The following FOXP1 variants were observed in gnomAD, a reference collection of about 807,000 sequenced individuals.
FOXP1 encodes the protein forkhead box protein P1.
In FOXP1, 15 loss-of-function variants were observed where a neutral mutation model predicts 98.2. That is an observed-to-expected ratio of 0.15 (90% CI 0.10 to 0.24). The LOEUF (loss-of-function observed/expected upper bound fraction) is 0.24. Ranked by LOEUF, FOXP1 falls within the 10% of genes least tolerant of loss-of-function variation. The probability of loss-of-function intolerance (pLI) is 1.00; values close to 1 mark genes in which losing one functional copy is unlikely to be tolerated. For synonymous variants in FOXP1, 371 were observed against 314.5 expected, an observed-to-expected ratio of 1.18 and a Z score of -1.90; for missense variants, 633 against 848.5, an observed-to-expected ratio of 0.75 and a Z score of 3.15.
chr3:71,522,952 A>G (rs898658293), intron 2 of FOXP1, among the ~76,000 whole-genome samples: 7 of 152,188 alleles, frequency 4.6e-5, no homozygotes, highest in Non-Finnish European at 7.4e-5. Flanking sequence ...ATTCAACTAT[A>G]TGAACTGAGC....
intron 7 of FOXP1, among the ~76,000 whole-genome samples, chr3:71,102,400 T>A (rs1472817775): frequency 6.6e-6 from 1 of 152,212 alleles, no homozygotes; most frequent in African/African-American, 2.4e-5. Flanking sequence ...AGTTTGCTCA[T>A]GATATCACAG....
chr3:71,008,478 G>T (rs896820335), intron 12 of FOXP1, among the ~76,000 whole-genome samples: 2 of 152,216 alleles, frequency 1.3e-5, no homozygotes, highest in Non-Finnish European at 2.9e-5. Flanking sequence ...AGGATGCCAA[G>T]CAATGCAGGG....
At chr3:71,055,829 T>C (rs1218118381) in intron 7 of FOXP1, among the ~76,000 whole-genome samples, 3 of 152,220 alleles carry the variant, frequency 2.0e-5, no homozygotes, top group African/African-American at 7.2e-5. Flanking sequence ...GGTTTCTTTT[T>C]TCCTCTGCGT....
chr3:71,093,286 AT>A lies in FOXP1; in HGVS notation c.282+19249del, dbSNP rs1296888792. On this transcript the variant is annotated intron_variant, in intron 7 of 20. Coordinates refer to ENST00000649528, the MANE Select transcript of FOXP1 (RefSeq NM_001349338.3). ...AAAAATAAAAATGAAAAAAAAAAAA[AT>A]TAAAAAAAGCAAAAGAACATTCTAG... 2.1e-5 allele frequency among the ~76,000 whole-genome samples: 3 copies of A among 145,676 alleles called. No individual in the cohort carries two copies. The East Asian group carries it at 6.4e-4, about 31-fold the overall frequency.
At chr3:71,397,902 G>A (rs1179663258) in intron 3 of FOXP1, among the ~76,000 whole-genome samples, 2 of 152,126 alleles carry the variant, frequency 1.3e-5, no homozygotes, top group Non-Finnish European at 2.9e-5. Flanking sequence ...ATTTTACAGG[G>A]ATGCAAGGGA....
chr3:71,464,201 G>A lies in FOXP1; in HGVS notation c.-168+29225C>T, dbSNP rs1427440928. On this transcript the variant is annotated intron_variant, in intron 3 of 20. Transcript: ENST00000649528. Reference sequence around the variant, plus strand: ...TGAAGTGGGCGGATCAACTGAGCCCGGGAGACGGAGGTTGCAGTGAGCCAT... The same window carrying A: ...TGAAGTGGGCGGATCAACTGAGCCCAGGAGACGGAGGTTGCAGTGAGCCAT... Among the ~76,000 whole-genome samples the A allele has an allele frequency of 4.6e-5, 7 of 152,248 alleles. No homozygotes were observed. The East Asian group carries it at 5.8e-4, about 13-fold the overall frequency.
chr3:71,338,032 G>C (rs1222829782), intron 4 of FOXP1, among the ~76,000 whole-genome samples: 1 of 152,192 alleles, frequency 6.6e-6, no homozygotes, highest in Non-Finnish European at 1.5e-5. Flanking sequence ...AAGTATTAAG[G>C]AGGAATTTCC....
intron 2 of FOXP1, among the ~76,000 whole-genome samples, chr3:71,565,373 G>C (rs2046830426): frequency 6.6e-6 from 1 of 152,144 alleles, no homozygotes; most frequent in Non-Finnish European, 1.5e-5. Flanking sequence ...TATTTTGGTT[G>C]TTACCAATTC....
At chr3:70,984,056 A>G (rs1575865492) in intron 14 of FOXP1, among the ~76,000 whole-genome samples, 1 of 152,322 alleles carries the variant, frequency 6.6e-6, no homozygotes, top group East Asian at 1.9e-4. Context: ...TTTTCTTTCC[A>G]TAGAAAAGAA....
intron 11 of FOXP1, among the ~76,000 whole-genome samples, chr3:71,028,546 G>GT (rs2046435529): frequency 6.6e-6 from 1 of 152,196 alleles, no homozygotes; most frequent in South Asian, 2.1e-4. Context: ...GCAGCTACAG[G>GT]TATCGACAAC....
intron 7 of FOXP1, among the ~76,000 whole-genome samples, chr3:71,101,987 G>T (rs1320877385): frequency 6.6e-6 from 1 of 152,126 alleles, no homozygotes; most frequent in African/African-American, 2.4e-5. Context: ...CTGTTCTTTT[G>T]TTGAAGGAGA....
At chr3:71,229,677 TGTCTC>T in intron 5 of FOXP1, among the ~76,000 whole-genome samples, 1 of 152,184 alleles carries the variant, frequency 6.6e-6, no homozygotes, top group Admixed American at 6.5e-5. Context: ...AAATGGGCCG[TGTCTC>T]TTTCTTTCAG....
At chr3:71,246,123 C>T (rs545432865) in intron 5 of FOXP1, among the ~76,000 whole-genome samples, 25 of 152,040 alleles carry the variant, frequency 1.6e-4, no homozygotes, top group African/African-American at 5.8e-4. Context: ...TGAGCAGCAG[C>T]GAGCCAGCTC....
At chr3:71,037,145 C>T (rs1037788975) in intron 11 of FOXP1, among the ~76,000 whole-genome samples, 11 of 152,182 alleles carry the variant, frequency 7.2e-5, no homozygotes, top group African/African-American at 2.7e-4. Context: ...AATGAGACAT[C>T]ACTCCATATG....
intron 3 of FOXP1, among the ~76,000 whole-genome samples, chr3:71,473,949 T>C (rs1262394641): frequency 1.3e-5 from 2 of 152,174 alleles, no homozygotes; most frequent in Non-Finnish European, 2.9e-5. Flanking sequence ...ATACTGAACA[T>C]GCCCTGGCAC....
intron 7 of FOXP1, among the ~76,000 whole-genome samples, chr3:71,069,339 T>C (rs1362643996): frequency 1.3e-5 from 2 of 152,128 alleles, no homozygotes; most frequent in Non-Finnish European, 2.9e-5. Context: ...TAAAAACAAA[T>C]CCCTTACTCT....
intron 5 of FOXP1, among the ~76,000 whole-genome samples, chr3:71,244,326 T>TC (rs936166032): frequency 6.6e-6 from 1 of 151,742 alleles, no homozygotes; most frequent in Non-Finnish European, 1.5e-5. Flanking sequence ...GCATGATCTC[T>TC]CCCCCCTCTT....
intron 6 of FOXP1, among the ~76,000 whole-genome samples, chr3:71,117,732 C>T (rs2107792228): frequency 6.6e-6 from 1 of 152,266 alleles, no homozygotes; most frequent in South Asian, 2.1e-4. Flanking sequence ...TCTCTGGAGA[C>T]CTTTTACTCT....
chr3:71,524,251 C>G (rs1008081088), intron 2 of FOXP1, among the ~76,000 whole-genome samples: 7 of 152,074 alleles, frequency 4.6e-5, no homozygotes, highest in Non-Finnish European at 8.8e-5. Flanking sequence ...ATAATCCCAG[C>G]TACTAGGGAG....
Sources: gnomAD v4.1 joint callset for allele counts (sites outside exome capture counted in the v4.1 genomes callset) on GRCh38, gnomAD v4.1.1 for gene constraint, MANE v1.5 for transcripts, NCBI Gene and HGNC (gene_info 2026-07-23, HGNC 2026-07-21) for gene names.